Variants in WDR11 observed in about 807,000 individuals in gnomAD.
The protein encoded by WDR11 is WD repeat-containing protein 11.
In WDR11, 83 loss-of-function variants were observed where a neutral mutation model predicts 151.2. That is an observed-to-expected ratio of 0.55 (90% CI 0.46 to 0.66). The LOEUF (loss-of-function observed/expected upper bound fraction) is 0.66, where lower values mean the gene tolerates loss of function less well. Among genes scored for constraint, WDR11 ranks in the 30% least tolerant of loss-of-function variants. The pLI is 0.00. For synonymous variants in WDR11, 484 were observed against 533.1 expected (o/e 0.91, Z 1.27); for missense variants, 1,301 against 1,480.9 (o/e 0.88, Z 1.99).
At chr10:120,856,575 C>CAG (rs1845954628) in intron 2 of WDR11, among the ~76,000 whole-genome samples, 1 of 101,926 alleles carries the variant, frequency 9.8e-6, no homozygotes, top group East Asian at 2.7e-4. Flanking sequence ...ACTCTGTCTC[C>CAG]AAAAAAAAAA....
Position 120,909,104 on chromosome 10 carries a change from C to G in WDR11, c.*391C>G. 3.7e-6 allele frequency: 1 copy of G among 266,914 alleles called. No individual in the cohort carries two copies. The highest frequency in any genetic ancestry group is 7.3e-6 in the Non-Finnish European group (1 of 136,712). The allele number at this position is 266,914 out of a possible 1,614,324, so 16.5% of individuals were successfully genotyped here. A position where few individuals can be genotyped will look rare whatever the true frequency, so the allele number is the denominator to read the frequency against. On this transcript the variant is annotated 3_prime_UTR_variant, in exon 29 of 29. Coordinates refer to ENST00000263461, the MANE Select transcript of WDR11 (RefSeq NM_018117.12). ...AAATGAAATTTGTGAGATGTTTTCT[C>G]AAATATATGCTGTGCCTGTACTTAT...
chr10:120,869,179 C>T (rs1302566893), intron 9 of WDR11, among the ~76,000 whole-genome samples: 2 of 142,486 alleles, frequency 1.4e-5, no homozygotes, highest in African/African-American at 2.6e-5. Flanking sequence ...GGCGCGATCT[C>T]GGCTCACTGC....
chr10:120,866,674 A>G lies in WDR11; in HGVS notation c.1100A>G (p.Asn367Ser). The G allele has an allele frequency of 6.2e-6, 10 of 1,614,186 alleles. No homozygotes were observed. Among genetic ancestry groups the G allele is most frequent in the South Asian group, 1.1e-5 (1 of 91,084 alleles). Residue 367 changes from asparagine (N) to serine (S), a missense_variant, in exon 8 of 29, where the codon AAT (asparagine) becomes AGT (serine). By Grantham distance (46) the Asn-to-Ser change is conservative. This residue lies in a region of WDR11 where 692 missense variants were observed against 762.5 expected (regional missense o/e 0.91). Coordinates refer to ENST00000263461, the MANE Select transcript of WDR11 (RefSeq NM_018117.12). The part of the protein sequence containing the change: ...RPFSMVCCPV[N>S]ENAAALVVSD... ...TTCAGTATGGTGTGCTGTCCTGTCA[A>G]TGAGAATGCAGCCGCCCTCGTAGTG...
At chr10:120,869,939 G>A (rs907380454) in intron 9 of WDR11, among the ~76,000 whole-genome samples, 6 of 152,046 alleles carry the variant, frequency 3.9e-5, no homozygotes, top group South Asian at 2.1e-4. Flanking sequence ...ACAGGTGTGC[G>A]CCACCACACC....
chr10:120,871,403 T>G, intron 10 of WDR11, 57 bp downstream of exon 10: 2 of 1,527,052 alleles, frequency 1.3e-6, no homozygotes, highest in Non-Finnish European at 1.8e-6. Flanking sequence ...TGTTTAGGTT[T>G]TCTAGTTTCT....
At position 120,851,444 on chromosome 10, in the gene WDR11, C is replaced by A; in HGVS notation, c.24C>A (p.Phe8Leu). The A allele has an allele frequency of 1.2e-6, 2 of 1,612,146 alleles. No homozygotes were observed. The highest frequency in any genetic ancestry group is 1.7e-6 in the Non-Finnish European group (2 of 1,179,744). MLPYTVN[F>L]KVSARTLTGA... ...GGATGTTGCCCTACACAGTGAACTT[C>A]AAGGTGTCGGCGCGCACCCTCACGG... is the stretch of plus-strand genomic sequence containing the variant. The change falls in exon 1 of 29, where the codon TTC becomes TTA. Residue 8 changes from phenylalanine to leucine, a missense_variant. By Grantham distance (22) the Phe-to-Leu change is conservative. Transcript: ENST00000263461.
Position 120,859,480 on chromosome 10 carries a change from G to T in WDR11, c.353-629G>T, listed in dbSNP as rs1846063054. Among the ~76,000 whole-genome samples the T allele has an allele frequency of 2.0e-5, 3 of 151,828 alleles. 1 individual carries two copies. Among genetic ancestry groups the T allele is most frequent in the Non-Finnish European group, 4.4e-5 (3 of 67,976 alleles). Reference sequence around the variant, plus strand: ...GACGGGGTTTTACCATGTTAGCCAGGATGGTCTCGATCTCCTGACTTCGTG... The same window carrying T: ...GACGGGGTTTTACCATGTTAGCCAGTATGGTCTCGATCTCCTGACTTCGTG... On this transcript the variant is annotated intron_variant, in intron 3 of 28. Transcript: ENST00000263461.
chr10:120,906,132 G>A, intron 27 of WDR11, 111 bp downstream of exon 27: 1 of 1,589,920 alleles, frequency 6.3e-7, no homozygotes, highest in Non-Finnish European at 8.5e-7. Context: ...GAAAGGAGAA[G>A]TATACATTTC....
At chr10:120,903,377 G>C (rs913587088) in intron 23 of WDR11, 145 bp downstream of exon 23, 2 of 1,004,080 alleles carry the variant, frequency 2.0e-6, no homozygotes, top group Non-Finnish European at 3.0e-6. Context: ...GGGTGTGGTG[G>C]CACGTGCCTG....
At chr10:120,851,765 CT>C in intron 1 of WDR11, 1 of 572,046 alleles carries the variant, frequency 1.7e-6, no homozygotes, top group South Asian at 2.0e-5. Context: ...GCACCTCGCC[CT>C]TTTGCCGTTC....
At chr10:120,880,497 T>G in intron 12 of WDR11, 1 of 326,864 alleles carries the variant, frequency 3.1e-6, no homozygotes, top group Non-Finnish European at 5.9e-6. Context: ...CCATCTCTAC[T>G]AGGAGTACAA....
At chr10:120,885,790 G>T in intron 14 of WDR11, 24 bp from the exon 15 acceptor site, 1 of 1,612,994 alleles carries the variant, frequency 6.2e-7, no homozygotes, top group Non-Finnish European at 8.5e-7. Context: ...AGCACTTCTA[G>T]GTTTGTCTGC....
intron 26 of WDR11, chr10:120,905,663 C>T (rs781688907): frequency 5.3e-5 from 48 of 903,366 alleles, no homozygotes; most frequent in East Asian, 2.1e-4. Context: ...GAGTCTGAGC[C>T]GAAACTACAG....
At chr10:120,874,104 G>GT (rs1234900407) in intron 11 of WDR11, among the ~76,000 whole-genome samples, 181 bp downstream of exon 11, 2 of 151,240 alleles carry the variant, frequency 1.3e-5, no homozygotes, top group African/African-American at 4.9e-5. Flanking sequence ...TCTTTGCTGT[G>GT]TAAAGAACAT....
At chr10:120,905,026 C>T (rs1847979394) in intron 25 of WDR11, among the ~76,000 whole-genome samples, 1 of 152,088 alleles carries the variant, frequency 6.6e-6, no homozygotes, top group Non-Finnish European at 1.5e-5. Context: ...TTAATAATTG[C>T]TGAGATAATA....
chr10:120,865,031 T>A lies in WDR11; in HGVS notation c.714-16T>A, dbSNP rs1367208105. 6.2e-7 allele frequency: 1 copy of A among 1,613,650 alleles called. No homozygotes were observed. The highest frequency in any genetic ancestry group is 1.7e-5 in the Admixed American group (1 of 60,022). The stretch of plus-strand genomic sequence containing the variant: ...AAATGAAGTCTTTGACCCAAGTGAA[T>A]GTTTACTTTTTTCAGTGCTGAATTC... On this transcript the variant is annotated splice_polypyrimidine_tract_variant and intron_variant, in intron 5 of 28. Coordinates refer to ENST00000263461, the MANE Select transcript of WDR11 (RefSeq NM_018117.12).
chr10:120,905,707 G>A (rs1444146504), intron 26 of WDR11, 169 bp from the exon 27 acceptor site: 13 of 1,246,992 alleles, frequency 1.0e-5, no homozygotes, highest in Non-Finnish European at 1.5e-5. Context: ...GGTCCCGTAG[G>A]CACAGACCGT....
intron 7 of WDR11, 35 bp from the exon 8 acceptor site, chr10:120,866,534 C>G (rs187738542): frequency 1.9e-4 from 300 of 1,612,452 alleles, no homozygotes; most frequent in Middle Eastern, 6.6e-4. Flanking sequence ...ATCGATATGG[C>G]TGCTTTCTGA....
intron 3 of WDR11, among the ~76,000 whole-genome samples, chr10:120,859,368 C>T (rs1019225262): frequency 1.3e-4 from 19 of 150,782 alleles, no homozygotes; most frequent in African/African-American, 4.2e-4. Flanking sequence ...CCTGGGTTCA[C>T]GCCATTCTCC....
Sources: allele counts gnomAD v4.1 joint callset (sites outside exome capture counted in the v4.1 genomes callset), GRCh38; gene constraint gnomAD v4.1.1; regional missense constraint gnomAD v4.1.1; transcripts MANE v1.5; gene names NCBI Gene and HGNC (gene_info 2026-07-23, HGNC 2026-07-21).